Variants in TAF4B observed in about 807,000 individuals in gnomAD.
TAF4B encodes transcription initiation factor TFIID subunit 4B.
Under a neutral mutation model 86.4 loss-of-function variants are expected in TAF4B, and 38 were observed. The ratio of observed to expected loss-of-function variants is 0.44; its 90% CI spans 0.34 to 0.58. The LOEUF (loss-of-function observed/expected upper bound fraction) is 0.58. Among genes scored for constraint, TAF4B ranks in the 20% least tolerant of loss-of-function variants. TAF4B has a pLI of 0.02. For synonymous variants in TAF4B, 388 were observed against 391.2 expected (o/e 0.99, Z 0.10); for missense variants, 988 against 1,027.6 (o/e 0.96, Z 0.53).
At chr18:26,256,460 T>A in intron 1 of TAF4B, 1 of 664,168 alleles carries the variant, frequency 1.5e-6, no homozygotes, top group South Asian at 1.7e-5. Flanking sequence ...AAGCACTCCC[T>A]ACTCCAGTTT....
intron 11 of TAF4B, among the ~76,000 whole-genome samples, chr18:26,322,634 T>A (rs777241884): frequency 1.3e-4 from 20 of 152,148 alleles, no homozygotes; most frequent in Admixed American, 3.3e-4. Flanking sequence ...TCTCTCTTTT[T>A]CTTCTTTGCT....
At chr18:26,283,262 C>G (rs2056471956) in intron 6 of TAF4B, among the ~76,000 whole-genome samples, 1 of 152,084 alleles carries the variant, frequency 6.6e-6, no homozygotes, top group South Asian at 2.1e-4. Context: ...AAATCTGTTT[C>G]TTAAATAATA....
At chr18:26,231,449 T>C (rs943424720) in intron 1 of TAF4B, among the ~76,000 whole-genome samples, 1 of 148,978 alleles carries the variant, frequency 6.7e-6, no homozygotes, top group Admixed American at 6.8e-5. Context: ...GCCTCCTGGG[T>C]TCAAGCAATT....
intron 14 of TAF4B, among the ~76,000 whole-genome samples, chr18:26,377,777 T>C (rs2057452726): frequency 6.6e-6 from 1 of 152,202 alleles, no homozygotes; most frequent in Non-Finnish European, 1.5e-5. Flanking sequence ...AGTTTGCTAA[T>C]GTTATTGTGT....
chr18:26,312,698 G>A (rs1009244399), intron 9 of TAF4B, among the ~76,000 whole-genome samples: 3 of 152,138 alleles, frequency 2.0e-5, no homozygotes, highest in African/African-American at 7.2e-5. Flanking sequence ...GAAGCAAGGT[G>A]CAATTTCCAG....
chr18:26,337,424 C>CTTTTTTTTTTTTTTTTTTTTTT (rs551888808), intron 13 of TAF4B, among the ~76,000 whole-genome samples: 1 of 126,144 alleles, frequency 7.9e-6, no homozygotes, highest in Non-Finnish European at 1.6e-5. Context: ...TTCTTTCTTT[C>CTTTTTTTTTTTTTTTTTTTTTT]TTTTTTTTTT....
At chr18:26,374,411 C>T (rs981046364) in intron 14 of TAF4B, among the ~76,000 whole-genome samples, 4 of 152,090 alleles carry the variant, frequency 2.6e-5, no homozygotes, top group African/African-American at 9.7e-5. Flanking sequence ...CTCACAGGAC[C>T]AGTTATATTG....
chr18:26,315,190 C>CA, intron 9 of TAF4B, 39 bp from the exon 10 acceptor site: 8 of 1,395,180 alleles, frequency 5.7e-6, no homozygotes, highest in Non-Finnish European at 5.8e-6. Flanking sequence ...CACACACACA[C>CA]ACAACCTAAA....
Position 26,227,235 on chromosome 18 carries a change from C to T in TAF4B, c.302C>T (p.Thr101Ile), listed in dbSNP as rs1168498957. ...ATAGTCGCCGTGAAAGCCCCCAACA[C>T]CACGACAATCCAGTTTCCTGCTAAT... ...PQIVAVKAPN[T>I]TTIQFPANLQ... is the part of the protein sequence containing the mutation. Residue 101 changes from threonine to isoleucine, a missense_variant, in exon 1 of 15, where the codon ACC (threonine) becomes ATC (isoleucine). Physicochemically the swap from Thr to Ile is moderately conservative, Grantham distance 89. Around this residue, in one of 3 missense-constraint regions of TAF4B, gnomAD observed 747 missense variants for 737.9 expected, o/e 1.01. Coordinates refer to ENST00000269142, the MANE Select transcript of TAF4B (RefSeq NM_005640.3). The T allele has an allele frequency of 1.2e-6, 2 of 1,613,544 alleles. No individual in the cohort carries two copies. The highest frequency in any genetic ancestry group is 1.7e-6 in the Non-Finnish European group (2 of 1,179,832).
intron 9 of TAF4B, among the ~76,000 whole-genome samples, chr18:26,306,698 A>G (rs1032168885): frequency 3.9e-5 from 6 of 152,148 alleles, no homozygotes; most frequent in African/African-American, 7.2e-5. Flanking sequence ...GGCTTTATGC[A>G]TATCTTTTCA....
intron 10 of TAF4B, among the ~76,000 whole-genome samples, chr18:26,317,604 A>T (rs1007598922): frequency 1.5e-4 from 23 of 152,184 alleles, no homozygotes; most frequent in Non-Finnish European, 4.4e-5. Context: ...AATACCATAA[A>T]TTGGATGGCT....
At chr18:26,322,607 T>A (rs1226763968) in intron 11 of TAF4B, among the ~76,000 whole-genome samples, 3 of 152,168 alleles carry the variant, frequency 2.0e-5, no homozygotes, top group Non-Finnish European at 2.9e-5. Flanking sequence ...CATTACTGAT[T>A]TTTGTTATTT....
At chr18:26,304,641 C>T (rs2056775855) in intron 9 of TAF4B, 8 of 825,548 alleles carry the variant, frequency 9.7e-6, no homozygotes, top group African/African-American at 1.9e-5. Context: ...TTGACTTACC[C>T]AGGAGTCTCA....
chr18:26,343,426 C>G (rs1299200061), intron 13 of TAF4B, among the ~76,000 whole-genome samples: 1 of 152,130 alleles, frequency 6.6e-6, no homozygotes, highest in African/African-American at 2.4e-5. Context: ...CAAACCACCA[C>G]CAGATCCCAG....
intron 9 of TAF4B, among the ~76,000 whole-genome samples, chr18:26,312,747 C>G (rs950687862): frequency 6.6e-6 from 1 of 152,074 alleles, no homozygotes; most frequent in African/African-American, 2.4e-5. Flanking sequence ...TTGACAGGCA[C>G]TCAGTGTTGT....
chr18:26,287,924 C>T (rs868580651), intron 7 of TAF4B, among the ~76,000 whole-genome samples: 40 of 152,342 alleles, frequency 2.6e-4, no homozygotes, highest in Admixed American at 2.3e-3. Flanking sequence ...CTCATCCCTT[C>T]CCACTCTGCA....
At chr18:26,328,321 C>T (rs559169192) in intron 12 of TAF4B, among the ~76,000 whole-genome samples, 45 of 151,958 alleles carry the variant, frequency 3.0e-4, no homozygotes, top group Middle Eastern at 6.8e-3. Context: ...TGGTGGTGCA[C>T]GCCTGTAGTC....
rs565500465 is a variant in TAF4B, at chr18:26,299,161, C to T, written c.1832+5630C>T. Among the ~76,000 whole-genome samples the T allele has an allele frequency of 8.7e-3, 1,314 of 150,562 alleles. 8 individuals are homozygous for T. Among genetic ancestry groups the T allele is most frequent in the Non-Finnish European group, 0.012 (841 of 67,578 alleles). On this transcript the variant is annotated intron_variant, in intron 9 of 14. Coordinates refer to ENST00000269142, the MANE Select transcript of TAF4B (RefSeq NM_005640.3). ...CAGGCGTGAGCCACCATGCCCAGCC[C>T]TTTTTTTTTTCTTTTTTAAGGCACA... is the stretch of plus-strand genomic sequence containing the variant.
chr18:26,293,923 C>CT (rs2056629290), intron 9 of TAF4B, among the ~76,000 whole-genome samples: 1 of 152,074 alleles, frequency 6.6e-6, no homozygotes, highest in Non-Finnish European at 1.5e-5. Context: ...TTGCATCAGA[C>CT]TTTTTTACTC....
Sources: gnomAD v4.1 joint callset for allele counts (sites outside exome capture counted in the v4.1 genomes callset) on GRCh38, gnomAD v4.1.1 for gene constraint, gnomAD v4.1.1 regional missense constraint, MANE v1.5 for transcripts, NCBI Gene and HGNC (gene_info 2026-07-23, HGNC 2026-07-21) for gene names.